SNORC: variants seen among roughly 807,000 people sequenced by gnomAD.
The protein encoded by SNORC is protein SNORC.
SNORC carries 11 observed loss-of-function variants against 9.7 expected under a neutral mutation model. The observed-to-expected ratio is 1.14, with a 90% CI of 0.72 to 1.88. The LOEUF (loss-of-function observed/expected upper bound fraction) is 1.88. SNORC is among the 40% of genes most tolerant of loss of function. The pLI is 0.00. For synonymous variants in SNORC, 108 were observed against 88.7 expected (o/e 1.22, Z -1.22); for missense variants, 197 against 173.1 (o/e 1.14, Z -0.77).
chr2:232,870,257 T>G, upstream of SNORC: 1 of 1,287,614 alleles, frequency 7.8e-7, no homozygotes, highest in Non-Finnish European at 1.1e-6. Flanking sequence ...TCCCAGCCCT[T>G]TGATGCCTCT....
At chr2:232,866,649 G>A (rs754307936), upstream of SNORC, among the ~76,000 whole-genome samples, 5 of 152,002 alleles carry the variant, frequency 3.3e-5, no homozygotes, top group Non-Finnish European at 7.4e-5. Context: ...CTGTTTGCAC[G>A]CCTATTAGGT....
At chr2:232,869,085 A>T (rs1690932468), upstream of SNORC, 1 of 152,202 alleles carries the variant, frequency 6.6e-6, no homozygotes, top group Non-Finnish European at 1.5e-5. Flanking sequence ...ATATGGAGGC[A>T]AGGAGAAGTT....
chr2:232,868,408 T>G (rs1029907711), upstream of SNORC, among the ~76,000 whole-genome samples: 6 of 152,192 alleles, frequency 3.9e-5, no homozygotes, highest in Non-Finnish European at 7.3e-5. Flanking sequence ...GGTCATTTCA[T>G]CTTCACCATC....
upstream of SNORC, among the ~76,000 whole-genome samples, chr2:232,867,952 G>A (rs1292973054): frequency 6.6e-6 from 1 of 152,116 alleles, no homozygotes; most frequent in African/African-American, 2.4e-5. Flanking sequence ...ATCTTGCAGG[G>A]TCCTTCCTTA....
At chr2:232,878,059 T>C, downstream of SNORC, 1 of 152,374 alleles carries the variant, frequency 6.6e-6, no homozygotes, top group South Asian at 2.1e-4. Context: ...GGGGCCTCCC[T>C]CTCCGGTGGA....
chr2:232,875,085 A>G (rs1191844608), intron 1 of SNORC, among the ~76,000 whole-genome samples: 1 of 152,206 alleles, frequency 6.6e-6, no homozygotes, highest in African/African-American at 2.4e-5. Flanking sequence ...CACACCTGTA[A>G]TCGCAGCACT....
rs373201550 is a variant in SNORC, at chr2:232,875,699, T to C, written c.74-241T>C. 1.8e-3 allele frequency: 984 copies of C among 561,112 alleles called. 3 individuals are homozygous for C. In the African/African-American group the frequency reaches 0.018, roughly 10 times the overall value. 34.8% of individuals were successfully genotyped at this position (561,112 alleles called of 1,614,324 possible). A position where few individuals can be genotyped will look rare whatever the true frequency, so the allele number is the denominator to read the frequency against. On this transcript the variant is annotated intron_variant, in intron 1 of 2. Transcript: ENST00000331342. ...ACCCTATAAGCAGAGAAGGGCTTTG[T>C]GGGGGGCACCTCCCTTACACTGAAC...
At chr2:232,873,678 A>C (rs543932586) in intron 1 of SNORC, among the ~76,000 whole-genome samples, 2 of 152,072 alleles carry the variant, frequency 1.3e-5, no homozygotes, top group South Asian at 4.2e-4. Context: ...GGTGCCTGCC[A>C]GGCGGTGGGC....
At chr2:232,874,328 CACCAGAGTCAGCTATCAAA>C (rs905398848) in intron 1 of SNORC, among the ~76,000 whole-genome samples, 1 of 152,184 alleles carries the variant, frequency 6.6e-6, no homozygotes, top group African/African-American at 2.4e-5. Flanking sequence ...TCTCTTAACA[CACCAGAGTCAGCTATCAAA>C]ACCAGGAAGT....
Position 232,873,567 on chromosome 2 carries a change from G to A in SNORC, c.74-2373G>A, listed in dbSNP as rs115747972. Reference sequence around the variant, plus strand: ...GCCTGGTACCCAGAAGCCCTGCCGCGGCCTCCAGATGCAGGGAGGTGCCTA... The same window carrying A: ...GCCTGGTACCCAGAAGCCCTGCCGCAGCCTCCAGATGCAGGGAGGTGCCTA... On this transcript the variant is annotated intron_variant, in intron 1 of 2. Coordinates refer to ENST00000331342, the Ensembl canonical transcript of SNORC. Among the ~76,000 whole-genome samples, 567 of 152,308 alleles carry A rather than the reference G, an allele frequency of 3.7e-3. 3 individuals carry two copies. The highest frequency in any genetic ancestry group is 9.9e-3 in the African/African-American group (413 of 41,574).
downstream of SNORC, chr2:232,876,962 G>A (rs1392944857): frequency 1.0e-6 from 1 of 985,444 alleles, no homozygotes; most frequent in Non-Finnish European, 1.2e-6. This position sits in a 1 kb window ranked among gnomAD's most constrained non-coding sequence, Gnocchi z 6.8. Flanking sequence ...GAGACCCCGG[G>A]GCCCGCCGCT....
intron 1 of SNORC, among the ~76,000 whole-genome samples, chr2:232,871,032 G>T (rs934942528): frequency 1.3e-5 from 2 of 152,344 alleles, no homozygotes; most frequent in Admixed American, 1.3e-4. Context: ...GAGAGGGGAA[G>T]ACTGGCCCAG....
intron 1 of SNORC, among the ~76,000 whole-genome samples, chr2:232,871,921 C>T (rs1691039268): frequency 6.6e-6 from 1 of 152,188 alleles, no homozygotes; most frequent in Non-Finnish European, 1.5e-5. Flanking sequence ...GTTCCCAGGC[C>T]AGACTGTCCC....
chr2:232,874,049 A>G (rs1691125249), intron 1 of SNORC, among the ~76,000 whole-genome samples: 1 of 152,352 alleles, frequency 6.6e-6, no homozygotes, highest in South Asian at 2.1e-4. Context: ...AAGCTGTCTC[A>G]GAGCTGAGCC....
downstream of SNORC, chr2:232,878,015 C>T (rs527897156): frequency 6.6e-6 from 1 of 152,448 alleles, no homozygotes; most frequent in African/African-American, 2.4e-5. Context: ...ACTCCCCCAC[C>T]AACGGGTGCA....
upstream of SNORC, chr2:232,869,661 A>G (rs1025548832): frequency 1.3e-5 from 2 of 153,046 alleles, no homozygotes; most frequent in African/African-American, 2.4e-5. Flanking sequence ...AATGGATGTC[A>G]TAAGTGCACA....
intron 1 of SNORC, among the ~76,000 whole-genome samples, chr2:232,871,313 C>T (rs1044071997): frequency 5.3e-5 from 8 of 152,106 alleles, no homozygotes; most frequent in Non-Finnish European, 1.0e-4. Context: ...TGGGTGACAG[C>T]GAGGAGCACC....
At chr2:232,874,205 G>A (rs1691131273) in intron 1 of SNORC, among the ~76,000 whole-genome samples, 2 of 152,234 alleles carry the variant, frequency 1.3e-5, no homozygotes, top group Admixed American at 6.5e-5. Context: ...CTTGCCAACT[G>A]CCAACATTTT....
Sources: allele counts gnomAD v4.1 joint callset (sites outside exome capture counted in the v4.1 genomes callset), GRCh38; gene constraint gnomAD v4.1.1; non-coding constraint Gnocchi (gnomAD v3.1); transcripts MANE v1.5; gene names NCBI Gene and HGNC (gene_info 2026-07-23, HGNC 2026-07-21).